Variants in CBL observed in about 807,000 individuals in gnomAD.
The protein encoded by CBL is Cbl proto-oncogene.
In CBL, 45 loss-of-function variants were observed where a neutral mutation model predicts 96.9. The ratio of observed to expected loss-of-function variants is 0.46; its 90% CI spans 0.37 to 0.60. The LOEUF (loss-of-function observed/expected upper bound fraction) is 0.60, where lower values mean the gene tolerates loss of function less well. Ranked by LOEUF, CBL falls within the 20% of genes least tolerant of loss-of-function variation. The probability of loss-of-function intolerance (pLI) is 0.00; values close to 1 mark genes in which losing one functional copy is unlikely to be tolerated. For missense variants in CBL, 1,024 were observed against 1,143.5 expected (o/e 0.90, Z 1.51); for synonymous variants, 420 against 426.8 (o/e 0.98, Z 0.20).
chr11:119,306,229 C>T lies in CBL; in HGVS notation c.*6448C>T, dbSNP rs1384880904. On this transcript the variant is annotated 3_prime_UTR_variant, in exon 16 of 16. Coordinates refer to ENST00000264033, the MANE Select transcript of CBL (RefSeq NM_005188.4). Reference sequence around the variant, plus strand: ...CTAAGCTGTGTGGTGCTCTTGCCGCCCCTTCCTGGGTACAGAGCTTGAGAA... The same window carrying T: ...CTAAGCTGTGTGGTGCTCTTGCCGCTCCTTCCTGGGTACAGAGCTTGAGAA... 2.5e-6 allele frequency: 1 copy of T among 398,446 alleles called. No individual in the cohort carries two copies. The highest frequency in any genetic ancestry group is 4.4e-6 in the Non-Finnish European group (1 of 226,080). 24.7% of individuals were successfully genotyped at this position (398,446 alleles called of 1,614,324 possible). A position where few individuals can be genotyped will look rare whatever the true frequency, so the allele number is the denominator to read the frequency against.
Position 119,284,522 on chromosome 11 carries a change from C to T in CBL, c.1432-447C>T, listed in dbSNP as rs1472075293. Among the ~76,000 whole-genome samples, 5 of 152,132 alleles carry T rather than the reference C, an allele frequency of 3.3e-5. No homozygotes were observed. The East Asian group carries it at 9.6e-4, about 29-fold the overall frequency. On this transcript the variant is annotated intron_variant, in intron 9 of 15. Transcript: ENST00000264033. ...TTATGTTGCCCATACTGGTCTCGAACTCCTGCCTCCCAAAATGTTAGTATT... is the reference window on the plus strand; with the variant it reads ...TTATGTTGCCCATACTGGTCTCGAATTCCTGCCTCCCAAAATGTTAGTATT...
intron 2 of CBL, among the ~76,000 whole-genome samples, chr11:119,264,457 C>CTCTTCTG: frequency 8.4e-6 from 1 of 118,412 alleles, no homozygotes; most frequent in African/African-American, 3.1e-5. Context: ...CTTCTCTTCT[C>CTCTTCTG]TTCTCTTTTC....
chr11:119,235,433 TAAGG>T lies in CBL; in HGVS notation c.443+2742_443+2745del, dbSNP rs1641439324. On this transcript the variant is annotated intron_variant, in intron 2 of 15. Coordinates refer to ENST00000264033, the MANE Select transcript of CBL (RefSeq NM_005188.4). ...AGAAAAGAAAATGTTACTAAAATCATAAGGAAGATAAAACATTTATTATTCAGTA... is the reference window on the plus strand; with the variant it reads ...AGAAAAGAAAATGTTACTAAAATCATAAGATAAAACATTTATTATTCAGTA... Among the ~76,000 whole-genome samples the T allele has an allele frequency of 2.6e-5, 4 of 152,158 alleles. No homozygotes were observed. In the South Asian group the frequency reaches 8.3e-4, roughly 32 times the overall value.
At chr11:119,281,642 C>T (rs1949934877) in intron 9 of CBL, among the ~76,000 whole-genome samples, 2 of 151,924 alleles carry the variant, frequency 1.3e-5, no homozygotes, top group Admixed American at 6.6e-5. Flanking sequence ...CTACAGGCGC[C>T]TGCCACCACG....
At chr11:119,281,451 A>C (rs1241516124) in intron 9 of CBL, among the ~76,000 whole-genome samples, 1 of 144,372 alleles carries the variant, frequency 6.9e-6, no homozygotes, top group African/African-American at 2.6e-5. Context: ...CTTCTAATGT[A>C]TTTTTGCTTT....
intron 1 of CBL, among the ~76,000 whole-genome samples, chr11:119,217,843 G>A (rs770295242): frequency 1.1e-4 from 16 of 152,126 alleles, no homozygotes; most frequent in Non-Finnish European, 2.2e-4. Flanking sequence ...GGCCGAGGCA[G>A]GAAGATTGCT....
At position 119,302,102 on chromosome 11, in the gene CBL, T is replaced by C. The variant is rs986052069; in HGVS notation, c.*2321T>C. On this transcript the variant is annotated 3_prime_UTR_variant, in exon 16 of 16. Coordinates refer to ENST00000264033, the MANE Select transcript of CBL (RefSeq NM_005188.4). Reference sequence around the variant, plus strand: ...TCTCGACTTTTCCTTTTTTGAGTCCTGTGTGGCTCTTTGAATCAGCGTGAA... The same window carrying C: ...TCTCGACTTTTCCTTTTTTGAGTCCCGTGTGGCTCTTTGAATCAGCGTGAA... 1.3e-5 allele frequency: 3 copies of C among 232,916 alleles called. No individual in the cohort carries two copies. The highest frequency in any genetic ancestry group is 4.4e-5 in the African/African-American group (2 of 45,344). The allele number at this position is 232,916 out of a possible 1,614,324, so 14.4% of individuals were successfully genotyped here. A position where few individuals can be genotyped will look rare whatever the true frequency, so the allele number is the denominator to read the frequency against.
At chr11:119,258,438 A>G (rs1156310182) in intron 2 of CBL, among the ~76,000 whole-genome samples, 1 of 152,072 alleles carries the variant, frequency 6.6e-6, no homozygotes, top group African/African-American at 2.4e-5. Flanking sequence ...AGGAGGTGCT[A>G]CACACTTTCA....
rs1254459327 is a variant in CBL, at chr11:119,271,864, A to G, written c.573A>G (p.Arg191=). The change falls in exon 3 of 16, where the codon AGA becomes AGG. Residue 191 remains arginine, a synonymous_variant. Transcript: ENST00000264033. ...ITKADAAEFW[R]KAFGEKTIVP... is the part of the protein sequence containing the mutation. ...AAGCAGATGCTGCGGAATTTTGGAGAAAAGCTTTTGGGGAAAAGTAAGTCT... is the reference window on the plus strand; with the variant it reads ...AAGCAGATGCTGCGGAATTTTGGAGGAAAGCTTTTGGGGAAAAGTAAGTCT... The G allele has an allele frequency of 5.6e-6, 9 of 1,613,934 alleles. No individual in the cohort carries two copies. The Admixed American group carries it at 1.5e-4, about 27-fold the overall frequency.
At chr11:119,246,601 G>T (rs963513026) in intron 2 of CBL, among the ~76,000 whole-genome samples, 2 of 152,084 alleles carry the variant, frequency 1.3e-5, no homozygotes, top group Non-Finnish European at 2.9e-5. Flanking sequence ...ACAGACGTGT[G>T]CCACCACACC....
At chr11:119,257,523 G>A (rs1466852926) in intron 2 of CBL, among the ~76,000 whole-genome samples, 2 of 152,130 alleles carry the variant, frequency 1.3e-5, no homozygotes, top group African/African-American at 4.8e-5. Flanking sequence ...ACCTTTGTTG[G>A]ATGCATTGCT....
chr11:119,292,507 G>A (rs965043713), intron 12 of CBL, among the ~76,000 whole-genome samples: 6 of 151,634 alleles, frequency 4.0e-5, no homozygotes, highest in African/African-American at 7.3e-5. Context: ...TGCAAGCTCC[G>A]CCTCCCGGGT....
In CBL at chr11:119,297,045, A is replaced by T; in HGVS notation, c.2153+11A>T. 1 of 1,431,326 alleles carries T rather than the reference A, an allele frequency of 7.0e-7. No individual in the cohort carries two copies. Among genetic ancestry groups the T allele is most frequent in the Non-Finnish European group, 9.9e-7 (1 of 1,012,752 alleles). 88.7% of individuals were successfully genotyped at this position (1,431,326 alleles called of 1,614,324 possible). A position where few individuals can be genotyped will look rare whatever the true frequency, so the allele number is the denominator to read the frequency against. On this transcript the variant is annotated intron_variant, in intron 13 of 15. Transcript: ENST00000264033. ...ATCCCAGAGTTCACGGTAGGTTCAC[A>T]ACAACCCTTTTTGGGCCCTATACCT...
At chr11:119,275,585 T>G (rs1477388880) in intron 5 of CBL, among the ~76,000 whole-genome samples, 3 of 151,658 alleles carry the variant, frequency 2.0e-5, no homozygotes, top group Non-Finnish European at 4.4e-5. Context: ...TATTCTTGGC[T>G]GGGTGTGGTG....
chr11:119,252,301 T>A (rs1949675365), intron 2 of CBL, among the ~76,000 whole-genome samples: 1 of 152,206 alleles, frequency 6.6e-6, no homozygotes, highest in South Asian at 2.1e-4. Context: ...TTAACTTGTT[T>A]CCTTATATTT....
intron 5 of CBL, 120 bp downstream of exon 5, chr11:119,275,073 T>C (rs1450267093): frequency 2.1e-6 from 2 of 966,274 alleles, no homozygotes; most frequent in Non-Finnish European, 3.3e-6. Flanking sequence ...TGCAATAGGA[T>C]TGATACCTGT....
chr11:119,224,836 G>T (rs577866824), intron 1 of CBL, among the ~76,000 whole-genome samples: 6 of 152,168 alleles, frequency 3.9e-5, no homozygotes, highest in African/African-American at 1.2e-4. Flanking sequence ...AGGAGGAGGA[G>T]GGGTTGGCTG....
At chr11:119,286,024 C>T (rs952893414) in intron 11 of CBL, among the ~76,000 whole-genome samples, 3 of 152,094 alleles carry the variant, frequency 2.0e-5, no homozygotes, top group South Asian at 2.1e-4. Flanking sequence ...TATGGCTGGG[C>T]GTGGTGGCTC....
intron 12 of CBL, among the ~76,000 whole-genome samples, chr11:119,289,991 C>T (rs1442594494): frequency 1.3e-5 from 2 of 151,726 alleles, no homozygotes; most frequent in East Asian, 1.9e-4. Context: ...GTCAAGAGAT[C>T]CTCCTGTCTC....
Sources: gnomAD v4.1 joint callset for allele counts (sites outside exome capture counted in the v4.1 genomes callset) on GRCh38, gnomAD v4.1.1 for gene constraint, MANE v1.5 for transcripts, NCBI Gene and HGNC (gene_info 2026-07-23, HGNC 2026-07-21) for gene names.